TTC3: variants seen among roughly 807,000 people sequenced by gnomAD.
The protein encoded by TTC3 is tetratricopeptide repeat domain 3, also known as E3 ubiquitin-protein ligase TTC3.
A neutral mutation model predicts 249.6 loss-of-function variants in TTC3; 180 were observed. That is an observed-to-expected ratio of 0.72 (90% CI 0.64 to 0.82). TTC3 has a LOEUF of 0.82. Among genes scored for constraint, TTC3 ranks in the 40% least tolerant of loss-of-function variants. The pLI, the probability that TTC3 is intolerant of heterozygous loss-of-function variation, is 0.00. For synonymous variants in TTC3, 717 were observed against 805.0 expected (o/e 0.89, Z 1.85); for missense variants, 2,061 against 2,398.4 (o/e 0.86, Z 2.94).
At chr21:37,128,293 A>C (rs1039467293) in intron 15 of TTC3, among the ~76,000 whole-genome samples, 3 of 152,108 alleles carry the variant, frequency 2.0e-5, no homozygotes, top group Admixed American at 6.5e-5. Context: ...CCCTGCCCAA[A>C]AATATGCAGT....
chr21:37,170,657 G>A (rs1426154063), intron 34 of TTC3, among the ~76,000 whole-genome samples: 1 of 152,162 alleles, frequency 6.6e-6, no homozygotes, highest in Non-Finnish European at 1.5e-5. Context: ...GTTAGATATG[G>A]AATGTTTGAC....
At chr21:37,137,468 A>AG (rs1349747662) in intron 18 of TTC3, among the ~76,000 whole-genome samples, 2 of 152,212 alleles carry the variant, frequency 1.3e-5, no homozygotes, top group African/African-American at 4.8e-5. Context: ...AAGTCACTGC[A>AG]GATGTGGTGG....
At chr21:37,140,069 C>CT (rs1278701293) in intron 19 of TTC3, among the ~76,000 whole-genome samples, 1 of 152,144 alleles carries the variant, frequency 6.6e-6, no homozygotes, top group East Asian at 1.9e-4. Context: ...AGAATGTACT[C>CT]TAAGCTATGT....
chr21:37,181,035 G>C (rs1360376863), intron 35 of TTC3, among the ~76,000 whole-genome samples: 3 of 152,086 alleles, frequency 2.0e-5, no homozygotes, highest in African/African-American at 7.2e-5. Context: ...TTTATGCTAA[G>C]TTTGAAAGAA....
chr21:37,115,790 C>A (rs149886546), intron 11 of TTC3, among the ~76,000 whole-genome samples: 1 of 152,196 alleles, frequency 6.6e-6, no homozygotes, highest in Non-Finnish European at 1.5e-5. Flanking sequence ...AGGCCCACTT[C>A]CACTTTGTAC....
At chr21:37,160,094 A>G (rs2080556704) in intron 29 of TTC3, among the ~76,000 whole-genome samples, 1 of 152,252 alleles carries the variant, frequency 6.6e-6, no homozygotes. Flanking sequence ...CTGCTCTAGA[A>G]GGAAAACAAA....
intron 1 of TTC3, chr21:37,087,004 T>TA (rs2072580299): frequency 2.1e-6 from 1 of 470,408 alleles, no homozygotes; most frequent in Non-Finnish European, 3.8e-6. Context: ...CAGGTTAACT[T>TA]AGAGTAGAGA....
intron 32 of TTC3, among the ~76,000 whole-genome samples, chr21:37,164,742 TTCAGGAAAA>T: frequency 6.6e-6 from 1 of 152,332 alleles, no homozygotes; most frequent in South Asian, 2.1e-4. Flanking sequence ...AAGTAAAAAA[TTCAGGAAAA>T]TCTCAGATAG....
At chr21:37,187,080 G>C in exon 38 of TTC3, 1 of 1,559,502 alleles carries the variant, frequency 6.4e-7, no homozygotes, top group Non-Finnish European at 8.6e-7. Context: ...AATGAAAATA[G>C]AAGAGTATAT....
chr21:37,166,468 C>T (rs1344695637), exon 33 of TTC3: 6 of 1,614,208 alleles, frequency 3.7e-6, no homozygotes, highest in African/African-American at 2.7e-5. Flanking sequence ...TAAAGTCACA[C>T]TGCAGCACAG....
chr21:37,113,536 G>C (rs1014978949), intron 11 of TTC3, among the ~76,000 whole-genome samples: 7 of 152,082 alleles, frequency 4.6e-5, no homozygotes, highest in Admixed American at 2.6e-4. Flanking sequence ...AAATAAAAGA[G>C]GATACAAACA....
intron 34 of TTC3, among the ~76,000 whole-genome samples, chr21:37,168,902 A>G (rs968477535): frequency 1.3e-5 from 2 of 152,154 alleles, no homozygotes; most frequent in African/African-American, 2.4e-5. Flanking sequence ...CAGAGGTTCT[A>G]CTTCCAAGAT....
At chr21:37,127,921 G>A (rs1431844916) in intron 15 of TTC3, among the ~76,000 whole-genome samples, 1 of 152,138 alleles carries the variant, frequency 6.6e-6, no homozygotes, top group Non-Finnish European at 1.5e-5. Context: ...AAACATCTTT[G>A]AGGATAAAAC....
intron 9 of TTC3, 26 bp from the exon 10 acceptor site, chr21:37,096,555 C>A: frequency 1.3e-6 from 2 of 1,559,950 alleles, no homozygotes; most frequent in East Asian, 2.2e-5. Flanking sequence ...ATGTGCTTTA[C>A]TGACTAAACA....
chr21:37,127,506 C>G (rs887682446), intron 15 of TTC3, among the ~76,000 whole-genome samples: 3 of 152,146 alleles, frequency 2.0e-5, no homozygotes, highest in African/African-American at 7.2e-5. Context: ...GATGAAAATC[C>G]TCTAAAGTAT....
intron 20 of TTC3, among the ~76,000 whole-genome samples, chr21:37,144,035 T>A (rs1303685815): frequency 2.0e-5 from 3 of 150,948 alleles, no homozygotes; most frequent in South Asian, 2.1e-4. Flanking sequence ...TAGGTGGGAA[T>A]TGAACAATGA....
intron 10 of TTC3, 147 bp from the exon 11 acceptor site, chr21:37,108,245 G>A: frequency 3.2e-6 from 2 of 621,368 alleles, no homozygotes; most frequent in Non-Finnish European, 5.2e-6. Context: ...TTCCTATAAT[G>A]GACATATATT....
intron 27 of TTC3, among the ~76,000 whole-genome samples, chr21:37,154,995 G>A (rs1290647952): frequency 2.0e-5 from 3 of 152,070 alleles, no homozygotes; most frequent in Non-Finnish European, 4.4e-5. Context: ...GCGCCCGGTC[G>A]ATATAATCCA....
intron 41 of TTC3, among the ~76,000 whole-genome samples, chr21:37,195,225 G>C (rs972888540): frequency 2.6e-5 from 4 of 152,204 alleles, no homozygotes; most frequent in African/African-American, 9.7e-5. Context: ...TGTCAGCACT[G>C]CAGGCGTGGA....
Sources: gnomAD v4.1 joint callset for allele counts (sites outside exome capture counted in the v4.1 genomes callset) on GRCh38, gnomAD v4.1.1 for gene constraint, MANE v1.5 for transcripts, NCBI Gene and HGNC (gene_info 2026-07-23, HGNC 2026-07-21) for gene names.